ERCC5: variants seen among roughly 807,000 people sequenced by gnomAD.
ERCC5 encodes DNA excision repair protein ERCC-5.
Under a neutral mutation model 105.6 loss-of-function variants are expected in ERCC5, and 68 were observed. That is an observed-to-expected ratio of 0.64 (90% CI 0.53 to 0.79). The LOEUF (loss-of-function observed/expected upper bound fraction) is 0.79. Among genes scored for constraint, ERCC5 ranks in the 30% least tolerant of loss-of-function variants. ERCC5 has a pLI of 0.00. For synonymous variants in ERCC5, 546 were observed against 526.2 expected (o/e 1.04, Z -0.51); for missense variants, 1,373 against 1,426.7 (o/e 0.96, Z 0.61).
chr13:102,875,548 G>C lies in ERCC5; in HGVS notation c.3206G>C (p.Ser1069Thr). Residue 1069 changes from serine (S) to threonine (T), a missense_variant, in exon 15 of 15, where the codon AGC (serine) becomes ACC (threonine). Transcript: ENST00000652225. ...GITNTLEESS[S>T]LKRKRLSDSK... The stretch of plus-strand genomic sequence containing the variant: ...ACAAATACCTTAGAAGAGTCATCAA[G>C]CCTGAAAAGAAAGAGGCTTTCAGAT... The C allele has an allele frequency of 1.2e-6, 2 of 1,613,108 alleles. No individual in the cohort carries two copies. Among genetic ancestry groups the C allele is most frequent in the Non-Finnish European group, 1.7e-6 (2 of 1,179,694 alleles).
chr13:102,853,615 T>C (rs1179254280), intron 2 of ERCC5, 142 bp from the exon 3 acceptor site: 1 of 790,794 alleles, frequency 1.3e-6, no homozygotes, highest in African/African-American at 1.7e-5. Flanking sequence ...AGATATACAC[T>C]GATATGGCAA....
rs774414738 is a variant in ERCC5 at position 102,862,337 on chromosome 13, C to T, written c.1188C>T (p.Asp396=). 4.0e-5 allele frequency: 64 copies of T among 1,613,896 alleles called. No individual in the cohort carries two copies. In the East Asian group the frequency reaches 4.2e-4, roughly 11 times the overall value. Residue 396 remains aspartate (D), a synonymous_variant, in exon 8 of 15, where the codon GAC becomes GAT. Transcript: ENST00000652225. ...TTTCAGCCATTAAGAGAGCTCTTGA[C>T]GATGACGAAGATGTAAAAGTGTGTG... ...RTLSAIKRAL[D]DDEDVKVCAG...
intron 1 of ERCC5, among the ~76,000 whole-genome samples, chr13:102,850,578 A>G (rs1369995406): frequency 6.6e-6 from 1 of 152,200 alleles, no homozygotes; most frequent in Non-Finnish European, 1.5e-5. Flanking sequence ...AAGATACATT[A>G]GAAGATAGAA....
At chr13:102,852,339 TTCTG>T (rs1171506801) in intron 2 of ERCC5, 46 bp downstream of exon 2, 4 of 1,597,842 alleles carry the variant, frequency 2.5e-6, no homozygotes, top group Non-Finnish European at 3.4e-6. Flanking sequence ...ATTTTTTTCT[TTCTG>T]CATTCTTAGA....
rs1473659805 is a variant in ERCC5, at chr13:102,859,965, T to C, written c.673-1542T>C. 2.0e-5 allele frequency among the ~76,000 whole-genome samples: 3 copies of C among 152,106 alleles called. No homozygotes were observed. In the East Asian group the frequency reaches 5.8e-4, roughly 29 times the overall value. ...AAGTTGCACACCATTCTGAGTAGAGTGATGAAATCTCACACCCTCCTGCTC... is the reference window on the plus strand; with the variant it reads ...AAGTTGCACACCATTCTGAGTAGAGCGATGAAATCTCACACCCTCCTGCTC... On this transcript the variant is annotated intron_variant, in intron 6 of 14. Coordinates refer to ENST00000652225, the MANE Select transcript of ERCC5 (RefSeq NM_000123.4).
intron 6 of ERCC5, among the ~76,000 whole-genome samples, chr13:102,861,055 C>A (rs1465310602): frequency 6.8e-6 from 1 of 146,840 alleles, no homozygotes; most frequent in Non-Finnish European, 1.5e-5. Flanking sequence ...ATGGCACAAT[C>A]TCGGCTCACT....
chr13:102,870,414 C>T (rs1199743464), intron 12 of ERCC5, among the ~76,000 whole-genome samples: 1 of 152,112 alleles, frequency 6.6e-6, no homozygotes. Flanking sequence ...GGGCATGAAT[C>T]CTTCAGTTTC....
Position 102,862,631 on chromosome 13 carries a change from T to A in ERCC5, c.1482T>A (p.Ile494=). 1 of 1,614,158 alleles carries A rather than the reference T, an allele frequency of 6.2e-7. No individual in the cohort carries two copies. The highest frequency in any genetic ancestry group is 8.5e-7 in the Non-Finnish European group (1 of 1,180,024). ...TTCCGATAAGTGATGAGTCTATGAT[T>A]AAGGACAGAAAAGATCGGCTGCCTC... The part of the protein sequence containing the change: ...EAFPISDESM[I]KDRKDRLPLE... The change falls in exon 8 of 15, where the codon ATT becomes ATA. Residue 494 remains isoleucine (I), a synonymous_variant. Transcript: ENST00000652225.
chr13:102,852,443 T>A (rs1228614420), intron 2 of ERCC5, 150 bp downstream of exon 2: 4 of 906,638 alleles, frequency 4.4e-6, no homozygotes, highest in African/African-American at 1.7e-5. Context: ...TTTTTTATCT[T>A]GAACAATTAA....
At chr13:102,864,042 G>A (rs1266380459) in intron 8 of ERCC5, among the ~76,000 whole-genome samples, 1 of 151,560 alleles carries the variant, frequency 6.6e-6, no homozygotes, top group Non-Finnish European at 1.5e-5. Context: ...ACATAGATAT[G>A]TTTAGGAGCA....
Position 102,858,271 on chromosome 13 carries a change from A to AAT in ERCC5, c.529-4_529-3insAT, listed in dbSNP as rs755717763. The AAT allele has an allele frequency of 2.5e-6, 4 of 1,614,014 alleles. No individual in the cohort carries two copies. The highest frequency in any genetic ancestry group is 3.4e-6 in the Non-Finnish European group (4 of 1,179,998). Reference sequence around the variant, plus strand: ...TTCATGGTGCTGTGATTTTATCTTTACAGGAAGAGTTCTTTCATAATCCTC... The same window carrying AAT: ...TTCATGGTGCTGTGATTTTATCTTTAATCAGGAAGAGTTCTTTCATAATCCTC... On this transcript the variant is annotated splice_region_variant and splice_polypyrimidine_tract_variant and intron_variant, in intron 5 of 14. Coordinates refer to ENST00000652225, the MANE Select transcript of ERCC5 (RefSeq NM_000123.4).
At chr13:102,853,937 C>T in intron 3 of ERCC5, 65 bp downstream of exon 3, 1 of 1,458,742 alleles carries the variant, frequency 6.9e-7, no homozygotes, top group Non-Finnish European at 9.6e-7. Flanking sequence ...GTCTTGATTT[C>T]CTGCGATTCT....
chr13:102,854,718 G>A (rs1882342356), intron 4 of ERCC5, among the ~76,000 whole-genome samples: 1 of 152,198 alleles, frequency 6.6e-6, no homozygotes, highest in Non-Finnish European at 1.5e-5. Context: ...CTCTCACCAT[G>A]ATGCTAAAAT....
In ERCC5 at chr13:102,846,106, G is replaced by T; in HGVS notation, c.-161G>T. Reference sequence around the variant, plus strand: ...TCCGCTTTAATGCGCTCCCATTAGTGCCGTCCCCCACTGGAAAACCGTGGC... The same window carrying T: ...TCCGCTTTAATGCGCTCCCATTAGTTCCGTCCCCCACTGGAAAACCGTGGC... On this transcript the variant is annotated 5_prime_UTR_variant, in exon 1 of 15. Coordinates refer to ENST00000652225, the MANE Select transcript of ERCC5 (RefSeq NM_000123.4). The T allele has an allele frequency of 1.6e-6, 1 of 626,358 alleles. No homozygotes were observed. 38.8% of individuals were successfully genotyped at this position (626,358 alleles called of 1,614,324 possible).
chr13:102,866,808 A>T lies in ERCC5; in HGVS notation c.2496A>T (p.Val832=). The change falls in exon 11 of 15, where the codon GTA becomes GTT. Residue 832 remains valine, a synonymous_variant. Coordinates refer to ENST00000652225, the MANE Select transcript of ERCC5 (RefSeq NM_000123.4). ...YRNFFNKNKF[V]EYYQYVDFHN... is the part of the protein sequence containing the mutation. ...ACTTTTTTAATAAAAACAAGTTTGT[A>T]GAATATTATCAATATGTGGACTTTC... is the stretch of plus-strand genomic sequence containing the variant. 1 of 1,613,570 alleles carries T rather than the reference A, an allele frequency of 6.2e-7. No homozygotes were observed. The highest frequency in any genetic ancestry group is 8.5e-7 in the Non-Finnish European group (1 of 1,179,622).
chr13:102,873,406 T>TA (rs1883097632), intron 14 of ERCC5, 63 bp downstream of exon 14: 2 of 1,573,500 alleles, frequency 1.3e-6, no homozygotes, highest in Non-Finnish European at 1.7e-6. Flanking sequence ...TGACAGCTGT[T>TA]AAAGACCAGT....
Position 102,862,579 on chromosome 13 carries a change from C to A in ERCC5, c.1430C>A (p.Ser477Ter), listed in dbSNP as rs867102591. ...GACTCAGTTCCAAAAGAACAAATGT[C>A]ACTTGTTCACGTGGGGACTGAAGCC... is the stretch of plus-strand genomic sequence containing the variant. ...PTDSVPKEQMSLVHVGTEAFP... is the reference protein window; with the variant it reads ...PTDSVPKEQM Residue 477 changes from serine to a stop codon, truncating the protein, a stop_gained, in exon 8 of 15, where the codon TCA becomes TAA. Coordinates refer to ENST00000652225, the MANE Select transcript of ERCC5 (RefSeq NM_000123.4). LOFTEE classifies it high-confidence loss of function. The A allele has an allele frequency of 6.2e-7, 1 of 1,614,116 alleles. No individual in the cohort carries two copies. Among genetic ancestry groups the A allele is most frequent in the Admixed American group, 1.7e-5 (1 of 60,014 alleles).
Position 102,862,382 on chromosome 13 carries a change from G to A in ERCC5, c.1233G>A (p.Thr411=), listed in dbSNP as rs777251498. The A allele has an allele frequency of 7.4e-6, 12 of 1,614,004 alleles. No individual in the cohort carries two copies. The highest frequency in any genetic ancestry group is 6.7e-5 in the East Asian group (3 of 44,890). ...TGTGTGCTGGGGATGATGTGCAGAC[G>A]GGAGGGCCAGGAGCAGAAGAAATGC... ...VKVCAGDDVQ[T]GGPGAEEMRI... Residue 411 remains threonine, a synonymous_variant, in exon 8 of 15, where the codon ACG becomes ACA. Transcript: ENST00000652225.
rs750456470 is a variant in ERCC5 at position 102,846,245 on chromosome 13, G to A, written c.-22G>A. 1 of 1,605,458 alleles carries A rather than the reference G, an allele frequency of 6.2e-7. No individual in the cohort carries two copies. The highest frequency in any genetic ancestry group is 1.1e-5 in the South Asian group (1 of 90,200). Reference sequence around the variant, plus strand: ...ATTAGAGTAGAAGTTGTCGGGGTCCGCTCTTAGGACGCAGCCGCCTCATGG... The same window carrying A: ...ATTAGAGTAGAAGTTGTCGGGGTCCACTCTTAGGACGCAGCCGCCTCATGG... On this transcript the variant is annotated 5_prime_UTR_variant, in exon 1 of 15. Transcript: ENST00000652225.
Sources: allele counts gnomAD v4.1 joint callset (sites outside exome capture counted in the v4.1 genomes callset), GRCh38; gene constraint gnomAD v4.1.1; transcripts MANE v1.5; gene names NCBI Gene and HGNC (gene_info 2026-07-23, HGNC 2026-07-21).